Variants in TUBB2A observed in about 807,000 individuals in gnomAD.
The protein encoded by TUBB2A is tubulin beta 2A class IIa.
A neutral mutation model predicts 33.9 loss-of-function variants in TUBB2A; 7 were observed. The ratio of observed to expected loss-of-function variants is 0.21; its 90% CI spans 0.12 to 0.39. TUBB2A has a LOEUF of 0.39. TUBB2A is among the 10% of genes least tolerant of loss of function. TUBB2A has a pLI of 1.00. For missense variants in TUBB2A, 80 were observed against 593.4 expected, an observed-to-expected ratio of 0.13 and a Z score of 8.99; for synonymous variants, 187 against 247.6, an observed-to-expected ratio of 0.76 and a Z score of 2.30.
intron 3 of TUBB2A, 49 bp from the exon 4 acceptor site, chr6:3,154,972 A>G: frequency 1.9e-6 from 3 of 1,611,858 alleles, no homozygotes; most frequent in Non-Finnish European, 1.7e-6. Context: ...AGGAATTTCA[A>G]AATCTGTCAT....
Position 3,154,472 on chromosome 6 carries a change from C to G in TUBB2A, c.729G>C (p.Pro243=). Residue 243 remains proline, a synonymous_variant, in exon 4 of 4, where the codon CCG becomes CCC. Transcript: ENST00000333628. ...TGCGCAGGTCTGCGTTCAGCTGGCCCGGGAAGCGCAGGCAGGTGGTGACCC... is the reference window on the plus strand; with the variant it reads ...TGCGCAGGTCTGCGTTCAGCTGGCCGGGGAAGCGCAGGCAGGTGGTGACCC... ...MSGVTTCLRF[P]GQLNADLRKL... 6.3e-7 allele frequency: 1 copy of G among 1,594,334 alleles called. No individual in the cohort carries two copies. The highest frequency in any genetic ancestry group is 8.5e-7 in the Non-Finnish European group (1 of 1,172,634).
chr6:3,153,843 A>G lies in TUBB2A; in HGVS notation c.*20T>C, dbSNP rs956741889. 11 of 1,613,702 alleles carry G rather than the reference A, an allele frequency of 6.8e-6. No individual in the cohort carries two copies. In the South Asian group the frequency reaches 9.9e-5, roughly 14 times the overall value. On this transcript the variant is annotated 3_prime_UTR_variant, in exon 4 of 4. Coordinates refer to ENST00000333628, the MANE Select transcript of TUBB2A (RefSeq NM_001069.3). ...GACAACAGAAGTTCACTAAGGATGC[A>G]CGATTGATCTGAGAAGTTTTTAAGC... is the stretch of plus-strand genomic sequence containing the variant.
Position 3,153,848 on chromosome 6 carries a change from T to C in TUBB2A, c.*15A>G. On this transcript the variant is annotated 3_prime_UTR_variant, in exon 4 of 4. Transcript: ENST00000333628. Reference sequence around the variant, plus strand: ...CAGAAGTTCACTAAGGATGCACGATTGATCTGAGAAGTTTTTAAGCCTCGT... The same window carrying C: ...CAGAAGTTCACTAAGGATGCACGATCGATCTGAGAAGTTTTTAAGCCTCGT... The C allele has an allele frequency of 6.2e-7, 1 of 1,613,928 alleles. No homozygotes were observed. Among genetic ancestry groups the C allele is most frequent in the Non-Finnish European group, 8.5e-7 (1 of 1,179,768 alleles).
Position 3,155,707 on chromosome 6 carries a change from C to G in TUBB2A, c.195G>C (p.Leu65=). ...CCATGGTGCCAGGCTCCAGATCCAC[C>G]AGGATGGCCCGAGGTACATATTTGT... ...AGNKYVPRAI[L]VDLEPGTMDS... Residue 65 remains leucine (L), a synonymous_variant, in exon 3 of 4, where the codon CTG becomes CTC. Transcript: ENST00000333628. This position sits in a 1 kb window ranked among gnomAD's most constrained non-coding sequence, Gnocchi z 4.2. The G allele has an allele frequency of 6.2e-7, 1 of 1,614,064 alleles. No homozygotes were observed. Among genetic ancestry groups the G allele is most frequent in the Non-Finnish European group, 8.5e-7 (1 of 1,179,992 alleles).
rs1420607033 is a variant in TUBB2A at position 3,155,689 on chromosome 6, G to A, written c.213C>T (p.Gly71=). The A allele has an allele frequency of 6.2e-7, 1 of 1,614,126 alleles. No homozygotes were observed. Among genetic ancestry groups the A allele is most frequent in the South Asian group, 1.1e-5 (1 of 91,080 alleles). ...GTCCAGACCTGACAGAGTCCATGGTGCCAGGCTCCAGATCCACCAGGATGG... is the reference window on the plus strand; with the variant it reads ...GTCCAGACCTGACAGAGTCCATGGTACCAGGCTCCAGATCCACCAGGATGG... The part of the protein sequence containing the change: ...PRAILVDLEP[G]TMDSVRSGPF... The change falls in exon 3 of 4, where the codon GGC becomes GGT. Residue 71 remains glycine, a synonymous_variant. Coordinates refer to ENST00000333628, the MANE Select transcript of TUBB2A (RefSeq NM_001069.3). This position sits in a 1 kb window ranked among gnomAD's most constrained non-coding sequence, Gnocchi z 4.2.
intron 1 of TUBB2A, among the ~76,000 whole-genome samples, chr6:3,156,914 C>T (rs551546728): frequency 6.6e-6 from 1 of 152,298 alleles, no homozygotes; most frequent in African/African-American, 2.4e-5. Context: ...GCCTCGGGGA[C>T]TGGCAGCAAG....
At position 3,155,065 on chromosome 6, in the gene TUBB2A, T is replaced by G; in HGVS notation, c.278-142A>C. 1 of 1,500,484 alleles carries G rather than the reference T, an allele frequency of 6.7e-7. No individual in the cohort carries two copies. The allele number at this position is 1,500,484 out of a possible 1,614,324, so 92.9% of individuals were successfully genotyped here. A position where few individuals can be genotyped will look rare whatever the true frequency, so the allele number is the denominator to read the frequency against. On this transcript the variant is annotated intron_variant, in intron 3 of 3. Coordinates refer to ENST00000333628, the MANE Select transcript of TUBB2A (RefSeq NM_001069.3). The surrounding 1 kb of genome is among the most constrained non-coding windows in gnomAD (Gnocchi z 4.2). ...AATACTCTTCTTTTACCTGAAGAAA[T>G]ATTTTTCTATGTCAGTGACCTCAAA...
intron 3 of TUBB2A, 25 bp from the exon 4 acceptor site, chr6:3,154,948 G>A: frequency 3.1e-6 from 5 of 1,613,848 alleles, no homozygotes; most frequent in Non-Finnish European, 4.2e-6. Flanking sequence ...GTGAACATTA[G>A]ACACTAAAAC....
chr6:3,153,697 T>TA lies in TUBB2A; in HGVS notation c.*165dup. 3 of 1,099,366 alleles carry TA rather than the reference T, an allele frequency of 2.7e-6. No individual in the cohort carries two copies. Among genetic ancestry groups the TA allele is most frequent in the Non-Finnish European group, 3.9e-6 (3 of 776,572 alleles). 68.1% of individuals were successfully genotyped at this position (1,099,366 alleles called of 1,614,324 possible). On this transcript the variant is annotated 3_prime_UTR_variant, in exon 4 of 4. Transcript: ENST00000333628. ...ACACATGCTTTTTTATTAGTATAGA[T>TA]ACCTTCACAGACAATACTGTAATTT...
At chr6:3,154,946 T>A in intron 3 of TUBB2A, 23 bp from the exon 4 acceptor site, 1 of 1,613,880 alleles carries the variant, frequency 6.2e-7, no homozygotes, top group Non-Finnish European at 8.5e-7. Context: ...AAGTGAACAT[T>A]AGACACTAAA....
intron 1 of TUBB2A, among the ~76,000 whole-genome samples, chr6:3,156,966 C>T (rs1184199671): frequency 6.6e-6 from 1 of 152,186 alleles, no homozygotes; most frequent in South Asian, 2.1e-4. Flanking sequence ...AGTGCCCGAG[C>T]AAGGGAATTT....
intron 1 of TUBB2A, among the ~76,000 whole-genome samples, chr6:3,156,993 T>G (rs867975719): frequency 8.5e-5 from 13 of 152,250 alleles, no homozygotes; most frequent in South Asian, 2.1e-4. Context: ...CACCCTTGCC[T>G]GTACGACCCA....
rs1481646522 is a variant in TUBB2A, at chr6:3,153,769, G to A, written c.*94C>T. ...ACATCAACAGTGTGAATTTCTAACA[G>A]AGGCAAAACTGAGCACCATAGTTTA... On this transcript the variant is annotated 3_prime_UTR_variant, in exon 4 of 4. Transcript: ENST00000333628. 2 of 1,563,466 alleles carry A rather than the reference G, an allele frequency of 1.3e-6. No homozygotes were observed. Among genetic ancestry groups the A allele is most frequent in the African/African-American group, 2.7e-5 (2 of 73,594 alleles).
At position 3,155,143 on chromosome 6, in the gene TUBB2A, T is replaced by C; in HGVS notation, c.278-220A>G. 1.6e-6 allele frequency: 2 copies of C among 1,283,394 alleles called. No individual in the cohort carries two copies. The highest frequency in any genetic ancestry group is 2.1e-6 in the Non-Finnish European group (2 of 956,266). 79.5% of individuals were successfully genotyped at this position (1,283,394 alleles called of 1,614,324 possible). On this transcript the variant is annotated intron_variant, in intron 3 of 3. Coordinates refer to ENST00000333628, the MANE Select transcript of TUBB2A (RefSeq NM_001069.3). This position sits in a 1 kb window ranked among gnomAD's most constrained non-coding sequence, Gnocchi z 4.2. ...AGTAAGTTTAGCTCATCTGAGGCTATTGATTGAGGAAGAGGATAGGGTTAG... is the reference window on the plus strand; with the variant it reads ...AGTAAGTTTAGCTCATCTGAGGCTACTGATTGAGGAAGAGGATAGGGTTAG...
At chr6:3,156,541 C>G (rs1292953534) in intron 1 of TUBB2A, among the ~76,000 whole-genome samples, 1 of 152,164 alleles carries the variant, frequency 6.6e-6, no homozygotes, top group Non-Finnish European at 1.5e-5. Flanking sequence ...AGGCCAAGGA[C>G]AGGGGGACCC....
chr6:3,156,093 G>A lies in TUBB2A; in HGVS notation c.117C>T (p.Asp39=). 1 of 1,613,688 alleles carries A rather than the reference G, an allele frequency of 6.2e-7. No individual in the cohort carries two copies. Among genetic ancestry groups the A allele is most frequent in the Non-Finnish European group, 8.5e-7 (1 of 1,179,576 alleles). The change falls in exon 2 of 4, where the codon GAC becomes GAT. Residue 39 remains aspartate, a synonymous_variant. Transcript: ENST00000333628. ...GIDPTGSYHG[D]SDLQLERINV... ...TGATTCTCTCCAGCTGCAAGTCACT[G>A]TCTCCATGGTAACTGCCTGTGGGGT... is the stretch of plus-strand genomic sequence containing the variant.
chr6:3,155,504 G>A lies in TUBB2A; in HGVS notation c.277+121C>T, dbSNP rs1481347166. ...CATGGACTGCATGGAGCTAGGCCAG[G>A]ACTCAGGGCTGCCGTGGACACAGTG... On this transcript the variant is annotated intron_variant, in intron 3 of 3. Transcript: ENST00000333628. This position sits in a 1 kb window ranked among gnomAD's most constrained non-coding sequence, Gnocchi z 4.2. 2 of 692,320 alleles carry A rather than the reference G, an allele frequency of 2.9e-6. No homozygotes were observed. The highest frequency in any genetic ancestry group is 5.8e-5 in the Admixed American group (2 of 34,530). 42.9% of individuals were successfully genotyped at this position (692,320 alleles called of 1,614,324 possible). A position where few individuals can be genotyped will look rare whatever the true frequency, so the allele number is the denominator to read the frequency against.
rs1762609865 is a variant in TUBB2A, at chr6:3,155,116, GAAGT to G, written c.278-197_278-194del. The G allele has an allele frequency of 7.0e-7, 1 of 1,425,310 alleles. No homozygotes were observed. The highest frequency in any genetic ancestry group is 9.3e-7 in the Non-Finnish European group (1 of 1,076,382). 88.3% of individuals were successfully genotyped at this position (1,425,310 alleles called of 1,614,324 possible). Reference sequence around the variant, plus strand: ...AACACTGGGGATCATAATAAAGTAAGAAGTAAGTTTAGCTCATCTGAGGCTATTG... The same window carrying G: ...AACACTGGGGATCATAATAAAGTAAGAAGTTTAGCTCATCTGAGGCTATTG... On this transcript the variant is annotated intron_variant, in intron 3 of 3. Transcript: ENST00000333628. The surrounding 1 kb of genome is among the most constrained non-coding windows in gnomAD (Gnocchi z 4.2).
In TUBB2A at chr6:3,157,521, G is replaced by A. The variant is rs528639900; in HGVS notation, c.-58C>T. 8.4e-6 allele frequency: 12 copies of A among 1,428,324 alleles called. No homozygotes were observed. The highest frequency in any genetic ancestry group is 1.1e-5 in the Non-Finnish European group (12 of 1,094,526). 88.5% of individuals were successfully genotyped at this position (1,428,324 alleles called of 1,614,324 possible). On this transcript the variant is annotated 5_prime_UTR_variant, in exon 1 of 4. Transcript: ENST00000333628. ...TCGGAGCGGTGCGCGGCGTGGACCG[G>A]CGGGCTGGGCTGCGCAGAGACCTGC...
Sources: allele counts gnomAD v4.1 joint callset (sites outside exome capture counted in the v4.1 genomes callset), GRCh38; gene constraint gnomAD v4.1.1; non-coding constraint Gnocchi (gnomAD v3.1); transcripts MANE v1.5; gene names NCBI Gene and HGNC (gene_info 2026-07-23, HGNC 2026-07-21).